Variants in HPGD observed in about 807,000 individuals in gnomAD.
The protein encoded by HPGD is 15-hydroxyprostaglandin dehydrogenase [NAD(+)].
HPGD carries 29 observed loss-of-function variants against 30.0 expected under a neutral mutation model. The ratio of observed to expected loss-of-function variants is 0.97; its 90% confidence interval spans 0.72 to 1.32. The LOEUF (loss-of-function observed/expected upper bound fraction) is 1.32. Among genes scored for constraint, HPGD ranks in the 40% most tolerant of loss-of-function variants. HPGD has a pLI of 0.00. For missense variants in HPGD, 340 were observed against 322.1 expected, an observed-to-expected ratio of 1.06 and a Z score of -0.43; for synonymous variants, 99 against 112.4, an observed-to-expected ratio of 0.88 and a Z score of 0.75.
intron 2 of HPGD, among the ~76,000 whole-genome samples, chr4:174,519,682 C>G (rs535549015): frequency 6.6e-6 from 1 of 152,264 alleles, no homozygotes; most frequent in Non-Finnish European, 1.5e-5. Context: ...CCACTGAGCA[C>G]CTTGTGACCC....
In HPGD at chr4:174,508,572, C is replaced by A. The variant is rs758615864; in HGVS notation, c.421+124G>T. 7.2e-5 allele frequency: 52 copies of A among 719,056 alleles called. 1 individual carries two copies. Among genetic ancestry groups the A allele is most frequent in the South Asian group, 3.2e-4 (22 of 67,722 alleles). The allele number at this position is 719,056 out of a possible 1,614,324, so 44.5% of individuals were successfully genotyped here. On this transcript the variant is annotated intron_variant, in intron 4 of 6. Transcript: ENST00000296522. ...TTTTGCAATAGAAAATTCCATGGAA[C>A]TATAAAACGATCAGATTTTTAATTT...
rs2555661 is a variant in HPGD at position 174,496,070 on chromosome 4, G to C, written c.422-446C>G. On this transcript the variant is annotated intron_variant, in intron 4 of 6. Coordinates refer to ENST00000296522, the MANE Select transcript of HPGD (RefSeq NM_000860.6). The surrounding 1 kb of genome is among the most constrained non-coding windows in gnomAD (Gnocchi z 4.6). ...ATTTGAATCTTCAGAGAGTCTTGGA[G>C]ATTATTAGTCTTCACTACAAATTAG... is the stretch of plus-strand genomic sequence containing the variant. Among the ~76,000 whole-genome samples the C allele has an allele frequency of 0.046, 6,988 of 152,252 alleles. 537 individuals are homozygous for C. Among genetic ancestry groups the C allele is most frequent in the African/African-American group, 0.16 (6,511 of 41,516 alleles).
At chr4:174,499,440 T>A (rs958881492) in intron 4 of HPGD, among the ~76,000 whole-genome samples, 52 of 152,118 alleles carry the variant, frequency 3.4e-4, no homozygotes, top group African/African-American at 1.3e-3. Flanking sequence ...TATAAACATA[T>A]CTCAGTTATT....
chr4:174,490,885 T>C lies in HPGD; in HGVS notation c.*1071A>G, dbSNP rs1734311350. ...AGTGTTAATTACTGCTTGCAAAGAGTTTTACCCAAAGCAGGTGTATTTAAT... is the reference window on the plus strand; with the variant it reads ...AGTGTTAATTACTGCTTGCAAAGAGCTTTACCCAAAGCAGGTGTATTTAAT... On this transcript the variant is annotated 3_prime_UTR_variant, in exon 7 of 7. Transcript: ENST00000296522. This position sits in a 1 kb window ranked among gnomAD's most constrained non-coding sequence, Gnocchi z 4.4. 6.6e-6 allele frequency: 1 copy of C among 152,144 alleles called. No homozygotes were observed. Among genetic ancestry groups the C allele is most frequent in the African/African-American group, 2.4e-5 (1 of 41,400 alleles). 9.4% of individuals were successfully genotyped at this position (152,144 alleles called of 1,614,324 possible).
rs776797460 is a variant in HPGD at position 174,522,473 on chromosome 4, G to A, written c.-22C>T. ...GCATGGTGCAGCCACTGCTGGGGCG[G>A]GCGGTGGGCGAGCTCCGCGTCTCCG... On this transcript the variant is annotated 5_prime_UTR_variant, in exon 1 of 7. Coordinates refer to ENST00000296522, the MANE Select transcript of HPGD (RefSeq NM_000860.6). The A allele has an allele frequency of 3.9e-6, 6 of 1,529,582 alleles. No homozygotes were observed. The highest frequency in any genetic ancestry group is 2.3e-4 in the Middle Eastern group (1 of 4,296). The allele number at this position is 1,529,582 out of a possible 1,614,324, so 94.8% of individuals were successfully genotyped here.
intron 4 of HPGD, among the ~76,000 whole-genome samples, chr4:174,502,278 C>T (rs1734940329): frequency 6.6e-6 from 1 of 152,210 alleles, no homozygotes; most frequent in South Asian, 2.1e-4. Context: ...TGAACTTCCT[C>T]ATTTGTGATT....
intron 2 of HPGD, among the ~76,000 whole-genome samples, chr4:174,518,769 T>C (rs1198739445): frequency 6.6e-6 from 1 of 152,196 alleles, no homozygotes; most frequent in Non-Finnish European, 1.5e-5. Flanking sequence ...AAAGTTGGCA[T>C]GGATTCTGAG....
Position 174,517,987 on chromosome 4 carries a change from GT to G in HPGD, c.307del (p.Thr103LeufsTer20). The G allele has an allele frequency of 2.6e-6, 4 of 1,563,962 alleles. No individual in the cohort carries two copies. The highest frequency in any genetic ancestry group is 3.5e-6 in the Non-Finnish European group (4 of 1,134,714). On this transcript the variant is annotated frameshift_variant, in exon 3 of 7. Transcript: ENST00000296522. LOFTEE classifies it high-confidence loss of function. Reference protein sequence around the residue: ...GVNNEKNWEKTLQINLVSVIS... With the variant: ...GVNNEKNWEKXLQINLVSVIS... ...ATAACTCACCAAATTAATTTGCAGA[GT>G]TTTTTCCCAGTTTTTCTCATTATTC...
At chr4:174,512,848 G>C (rs1319973318) in intron 3 of HPGD, among the ~76,000 whole-genome samples, 2 of 152,162 alleles carry the variant, frequency 1.3e-5, no homozygotes, top group African/African-American at 4.8e-5. Context: ...AGGCCTGTTA[G>C]TTATAACTAA....
At position 174,499,360 on chromosome 4, in the gene HPGD, C is replaced by T. The variant is rs901230565; in HGVS notation, c.422-3736G>A. On this transcript the variant is annotated intron_variant, in intron 4 of 6. Transcript: ENST00000296522. ...ATTAAGTGTTGTGTAACAGAAATTA[C>T]GGATGAAAGTATTTTAAGAGACTTA... is the stretch of plus-strand genomic sequence containing the variant. Among the ~76,000 whole-genome samples the T allele has an allele frequency of 2.8e-4, 43 of 152,202 alleles. 1 individual carries two copies. Among genetic ancestry groups the T allele is most frequent in the Admixed American group, 1.5e-3 (23 of 15,288 alleles).
chr4:174,506,722 T>C (rs962723670), intron 4 of HPGD: 2 of 152,250 alleles, frequency 1.3e-5, no homozygotes, highest in African/African-American at 4.8e-5. Flanking sequence ...TTGAATATTT[T>C]AAACAGATAA....
At chr4:174,497,340 C>T (rs546798670) in intron 4 of HPGD, among the ~76,000 whole-genome samples, 9 of 152,018 alleles carry the variant, frequency 5.9e-5, no homozygotes, top group South Asian at 4.2e-4. Flanking sequence ...GTCATAGAGG[C>T]GAAAGAAATA....
intron 2 of HPGD, 85 bp downstream of exon 2, chr4:174,521,859 C>T (rs1736143838): frequency 6.5e-7 from 1 of 1,547,752 alleles, no homozygotes; most frequent in Admixed American, 1.7e-5. Flanking sequence ...GGAGGCGGCA[C>T]CCAGGGCCCC....
intron 1 of HPGD, 35 bp from the exon 2 acceptor site, chr4:174,522,102 C>G (rs1385467635): frequency 5.6e-6 from 9 of 1,613,900 alleles, no homozygotes; most frequent in Non-Finnish European, 7.6e-6. Context: ...CGGGCCTGCG[C>G]AGCTCACGAA....
chr4:174,502,296 T>A (rs1198832835), intron 4 of HPGD, among the ~76,000 whole-genome samples: 1 of 152,240 alleles, frequency 6.6e-6, no homozygotes, highest in Non-Finnish European at 1.5e-5. Flanking sequence ...ATTTTCCGCA[T>A]AATGGAACAC....
intron 3 of HPGD, among the ~76,000 whole-genome samples, chr4:174,514,124 T>C (rs547538062): frequency 1.3e-5 from 2 of 152,178 alleles, no homozygotes; most frequent in South Asian, 2.1e-4. Context: ...AATACTAAAT[T>C]AGGAATTAAA....
chr4:174,514,817 G>A (rs763446091), intron 3 of HPGD, among the ~76,000 whole-genome samples: 4 of 152,180 alleles, frequency 2.6e-5, no homozygotes, highest in African/African-American at 4.8e-5. Context: ...TTTAAGTTAC[G>A]TTTCAGGATA....
At chr4:174,503,047 T>C (rs1455712412) in intron 4 of HPGD, among the ~76,000 whole-genome samples, 1 of 152,218 alleles carries the variant, frequency 6.6e-6, no homozygotes, top group Non-Finnish European at 1.5e-5. Context: ...CGTTTCTCAG[T>C]AGCCCTCTCA....
chr4:174,509,262 AG>A (rs1467609077), intron 3 of HPGD, among the ~76,000 whole-genome samples: 1 of 152,100 alleles, frequency 6.6e-6, no homozygotes, highest in East Asian at 1.9e-4. Context: ...GATTTCCTAG[AG>A]GTTTTATTTT....
Sources: gnomAD v4.1 joint callset for allele counts (sites outside exome capture counted in the v4.1 genomes callset) on GRCh38, gnomAD v4.1.1 for gene constraint, Gnocchi (gnomAD v3.1) non-coding constraint, MANE v1.5 for transcripts, NCBI Gene and HGNC (gene_info 2026-07-23, HGNC 2026-07-21) for gene names.